The following PHF20 variants were observed in gnomAD, a reference collection of about 807,000 sequenced individuals.
PHF20 encodes PHD finger protein 20.
Under a neutral mutation model 113.5 loss-of-function variants are expected in PHF20, and 23 were observed. That is an observed-to-expected ratio of 0.20 (90% CI 0.15 to 0.29). The LOEUF (loss-of-function observed/expected upper bound fraction) is 0.29, where lower values mean the gene tolerates loss of function less well. Ranked by LOEUF, PHF20 falls within the 10% of genes least tolerant of loss-of-function variation. The pLI is 1.00. For synonymous variants in PHF20, 434 were observed against 457.3 expected (o/e 0.95, Z 0.65); for missense variants, 943 against 1,219.6 (o/e 0.77, Z 3.38).
chr20:35,943,744 C>T lies in PHF20; in HGVS notation c.2896+2697C>T, dbSNP rs577257528. On this transcript the variant is annotated intron_variant, in intron 17 of 17. Transcript: ENST00000374012. Reference sequence around the variant, plus strand: ...CAAGCAATTCTCCTGCTTCAGCCTCCCGAGTAGCTGGGATTATAGGTGCAC... The same window carrying T: ...CAAGCAATTCTCCTGCTTCAGCCTCTCGAGTAGCTGGGATTATAGGTGCAC... Among the ~76,000 whole-genome samples, 266 of 151,862 alleles carry T rather than the reference C, an allele frequency of 1.8e-3. 3 individuals carry two copies. Among genetic ancestry groups the T allele is most frequent in the African/African-American group, 6.1e-3 (252 of 41,442 alleles).
chr20:35,872,598 G>A (rs1043990562), intron 9 of PHF20, among the ~76,000 whole-genome samples: 3 of 152,156 alleles, frequency 2.0e-5, no homozygotes, highest in South Asian at 4.1e-4. Flanking sequence ...ATTTTGATAC[G>A]TTGTGTTTTT....
intron 5 of PHF20, among the ~76,000 whole-genome samples, chr20:35,859,968 T>G (rs1386320701): frequency 1.3e-5 from 2 of 152,224 alleles, no homozygotes; most frequent in African/African-American, 2.4e-5. Flanking sequence ...TCACCCAGAC[T>G]GAAGTGCAGT....
At chr20:35,941,599 G>A (rs117345534) in intron 17 of PHF20, among the ~76,000 whole-genome samples, 1 of 152,272 alleles carries the variant, frequency 6.6e-6, no homozygotes, top group East Asian at 1.9e-4. Flanking sequence ...ACATGATCAA[G>A]TTCAGTCTCT....
chr20:35,855,164 C>T (rs914534029), intron 4 of PHF20: 40 of 672,664 alleles, frequency 5.9e-5, no homozygotes, highest in East Asian at 8.5e-5. Context: ...CCCAGACTTG[C>T]CAGAGTTGCA....
chr20:35,784,023 T>G (rs1006758028), intron 1 of PHF20, among the ~76,000 whole-genome samples: 1 of 151,184 alleles, frequency 6.6e-6, no homozygotes. Context: ...ATTATAGGCA[T>G]GAGCCACTGT....
At chr20:35,856,557 A>C (rs1211288886) in intron 4 of PHF20, 1 of 152,226 alleles carries the variant, frequency 6.6e-6, no homozygotes, top group East Asian at 1.9e-4. Flanking sequence ...AAAGTGGTAT[A>C]AGTTATGGTC....
At chr20:35,812,809 A>T (rs781780902) in intron 2 of PHF20, among the ~76,000 whole-genome samples, 1 of 152,088 alleles carries the variant, frequency 6.6e-6, no homozygotes, top group African/African-American at 2.4e-5. Flanking sequence ...GTACGTGTCA[A>T]TATCCTATTA....
At chr20:35,917,421 C>CA in intron 12 of PHF20, 63 bp from the exon 13 acceptor site, 1 of 1,374,140 alleles carries the variant, frequency 7.3e-7, no homozygotes, top group Non-Finnish European at 1.0e-6. Flanking sequence ...TCATTCTTGA[C>CA]AATCAAAGGT....
At chr20:35,864,407 AACACACACACACACACACACACAC>A (rs376477234) in intron 6 of PHF20, among the ~76,000 whole-genome samples, 1 of 132,428 alleles carries the variant, frequency 7.6e-6, no homozygotes, top group Non-Finnish European at 1.6e-5. Flanking sequence ...CCCATCTCAA[AACACACACACACACACACACACAC>A]ACACACACAC....
At chr20:35,894,925 G>A (rs1439259477) in intron 9 of PHF20, among the ~76,000 whole-genome samples, 4 of 152,142 alleles carry the variant, frequency 2.6e-5, no homozygotes, top group East Asian at 1.9e-4. Flanking sequence ...GCACAATCTC[G>A]GCTCACTGCG....
chr20:35,947,783 G>T lies in PHF20; in HGVS notation c.*156G>T. 1 of 732,252 alleles carries T rather than the reference G, an allele frequency of 1.4e-6. No homozygotes were observed. The highest frequency in any genetic ancestry group is 1.8e-5 in the African/African-American group (1 of 56,464). 45.4% of individuals were successfully genotyped at this position (732,252 alleles called of 1,614,324 possible). ...AGTGTGGTGGACATTGGACAAAGAG[G>T]CCATTTTGGCTGCGGGAGGACACTC... On this transcript the variant is annotated 3_prime_UTR_variant, in exon 18 of 18. Coordinates refer to ENST00000374012, the MANE Select transcript of PHF20 (RefSeq NM_016436.5).
intron 2 of PHF20, among the ~76,000 whole-genome samples, chr20:35,830,620 T>TAG (rs2042342131): frequency 1.3e-5 from 2 of 152,192 alleles, no homozygotes. Flanking sequence ...TTTTTGGATA[T>TAG]ATACCCAGAA....
chr20:35,932,126 G>A (rs1414965978), intron 15 of PHF20, among the ~76,000 whole-genome samples: 2 of 149,334 alleles, frequency 1.3e-5, no homozygotes, highest in Non-Finnish European at 3.0e-5. Flanking sequence ...GGAGTGCAGT[G>A]GTGAGATCAT....
intron 2 of PHF20, among the ~76,000 whole-genome samples, chr20:35,825,643 A>C (rs1361483938): frequency 1.3e-5 from 2 of 152,144 alleles, no homozygotes; most frequent in Admixed American, 1.3e-4. Flanking sequence ...CTACTCTATA[A>C]TTAGGTTAAT....
intron 2 of PHF20, among the ~76,000 whole-genome samples, chr20:35,811,576 C>A (rs1047811184): frequency 6.6e-6 from 1 of 151,270 alleles, no homozygotes; most frequent in Non-Finnish European, 1.5e-5. Flanking sequence ...CCAAGCAGCT[C>A]GGATTACATG....
Position 35,801,575 on chromosome 20 carries a change from A to G in PHF20, c.53A>G (p.Gln18Arg). The G allele has an allele frequency of 1.2e-6, 2 of 1,613,700 alleles. No homozygotes were observed. The highest frequency in any genetic ancestry group is 1.7e-6 in the Non-Finnish European group (2 of 1,179,616). The change falls in exon 2 of 18, where the codon CAG (glutamine) becomes CGG (arginine). Residue 18 changes from glutamine to arginine, a missense_variant. This residue lies in a region of PHF20 where 592 missense variants were observed against 787.2 expected (regional missense o/e 0.75). Coordinates refer to ENST00000374012, the MANE Select transcript of PHF20 (RefSeq NM_016436.5). Reference protein sequence around the residue: ...RRGISFEVGAQLEARDRLKNW... With the variant: ...RRGISFEVGARLEARDRLKNW... ...GGAATCAGCTTTGAAGTGGGAGCCCAGTTGGAAGCCCGGGACCGTTTAAAA... is the reference window on the plus strand; with the variant it reads ...GGAATCAGCTTTGAAGTGGGAGCCCGGTTGGAAGCCCGGGACCGTTTAAAA...
chr20:35,850,914 A>G (rs1371650889), intron 4 of PHF20: 2 of 671,454 alleles, frequency 3.0e-6, no homozygotes, highest in African/African-American at 1.8e-5. Flanking sequence ...CAAGGGAAAC[A>G]TCGTGAAGGT....
chr20:35,948,908 T>C lies in PHF20; in HGVS notation c.*1281T>C, dbSNP rs960267877. 1 of 152,686 alleles carries C rather than the reference T, an allele frequency of 6.5e-6. No homozygotes were observed. The highest frequency in any genetic ancestry group is 6.5e-5 in the Admixed American group (1 of 15,288). The allele number at this position is 152,686 out of a possible 1,614,324, so 9.5% of individuals were successfully genotyped here. A position where few individuals can be genotyped will look rare whatever the true frequency, so the allele number is the denominator to read the frequency against. On this transcript the variant is annotated 3_prime_UTR_variant, in exon 18 of 18. Coordinates refer to ENST00000374012, the MANE Select transcript of PHF20 (RefSeq NM_016436.5). ...AGTTAATTATGGGTTTATGAGTCTGTAATGTTATATGCTGCAAACATTTAC... is the reference window on the plus strand; with the variant it reads ...AGTTAATTATGGGTTTATGAGTCTGCAATGTTATATGCTGCAAACATTTAC...
chr20:35,859,691 C>T (rs1181565051), intron 5 of PHF20, among the ~76,000 whole-genome samples: 4 of 151,882 alleles, frequency 2.6e-5, no homozygotes, highest in Non-Finnish European at 5.9e-5. Context: ...AGACTAGGCG[C>T]GTGCCACCAC....
Sources: allele counts gnomAD v4.1 joint callset (sites outside exome capture counted in the v4.1 genomes callset), GRCh38; gene constraint gnomAD v4.1.1; regional missense constraint gnomAD v4.1.1; transcripts MANE v1.5; gene names NCBI Gene and HGNC (gene_info 2026-07-23, HGNC 2026-07-21).